Variants in CCDC178 observed in about 807,000 individuals in gnomAD.
CCDC178 encodes the protein coiled-coil domain containing 178.
CCDC178 carries 126 observed loss-of-function variants against 117.4 expected under a neutral mutation model. The ratio of observed to expected loss-of-function variants is 1.07; its 90% CI spans 0.93 to 1.24. The LOEUF is 1.24. Among genes scored for constraint, CCDC178 ranks in the 50% most tolerant of loss-of-function variants. The pLI is 0.00. For missense variants in CCDC178, 1,030 were observed against 986.9 expected, an observed-to-expected ratio of 1.04 and a Z score of -0.59; for synonymous variants, 283 against 313.4, an observed-to-expected ratio of 0.90 and a Z score of 1.02.
chr18:33,253,748 G>A (rs967692935), intron 14 of CCDC178, among the ~76,000 whole-genome samples: 3 of 151,770 alleles, frequency 2.0e-5, no homozygotes, highest in Admixed American at 6.6e-5. Flanking sequence ...AAGAGAAGAG[G>A]CTGTGTTGCT....
intron 2 of CCDC178, among the ~76,000 whole-genome samples, chr18:33,416,079 T>C (rs1307573535): frequency 1.3e-5 from 2 of 151,988 alleles, no homozygotes; most frequent in African/African-American, 2.4e-5. Flanking sequence ...GGCGGCTTAG[T>C]AAGAGGGAAT....
At chr18:33,109,818 A>G (rs1366222375) in intron 20 of CCDC178, among the ~76,000 whole-genome samples, 1 of 151,522 alleles carries the variant, frequency 6.6e-6, no homozygotes, top group African/African-American at 2.4e-5. Context: ...CATTATCATC[A>G]CTATATACTA....
chr18:33,097,492 G>C (rs1339090293), intron 20 of CCDC178, among the ~76,000 whole-genome samples: 2 of 152,076 alleles, frequency 1.3e-5, no homozygotes, highest in Non-Finnish European at 2.9e-5. Flanking sequence ...TGATGTTTTG[G>C]AGTATTTGTT....
intron 20 of CCDC178, among the ~76,000 whole-genome samples, chr18:33,157,207 T>A (rs1430280519): frequency 1.3e-5 from 2 of 152,206 alleles, no homozygotes; most frequent in Non-Finnish European, 2.9e-5. Context: ...TTTTAATATC[T>A]GTGATTGATC....
intron 22 of CCDC178, among the ~76,000 whole-genome samples, chr18:32,942,828 C>T (rs575209213): frequency 2.0e-5 from 3 of 152,132 alleles, no homozygotes; most frequent in Admixed American, 6.5e-5. Context: ...GCATACTGAT[C>T]ATACCTTCTG....
At chr18:32,983,153 C>T in intron 21 of CCDC178, 1 of 501,000 alleles carries the variant, frequency 2.0e-6, no homozygotes, top group Non-Finnish European at 3.4e-6. Context: ...AAAAAAAAAC[C>T]ACTTCTCAGT....
intron 12 of CCDC178, among the ~76,000 whole-genome samples, chr18:33,275,571 A>G (rs1432861022): frequency 6.9e-6 from 1 of 145,496 alleles, no homozygotes; most frequent in Non-Finnish European, 1.5e-5. Context: ...TAGGGATACT[A>G]AGAGGAAAGG....
intron 21 of CCDC178, among the ~76,000 whole-genome samples, chr18:33,024,190 T>C (rs1169674083): frequency 6.6e-6 from 1 of 152,234 alleles, no homozygotes. Context: ...AAACCAGTTA[T>C]ATACATTCTC....
intron 20 of CCDC178, 89 bp downstream of exon 20, chr18:33,211,807 A>G (rs1328653408): frequency 9.9e-7 from 1 of 1,013,090 alleles, no homozygotes; most frequent in Admixed American, 2.7e-5. Context: ...CACCCTTGCT[A>G]CTTCAGGATA....
At chr18:33,297,074 T>C (rs1405029106) in intron 11 of CCDC178, among the ~76,000 whole-genome samples, 2 of 151,884 alleles carry the variant, frequency 1.3e-5, no homozygotes, top group African/African-American at 2.4e-5. Flanking sequence ...AATTAAATGA[T>C]ATATTCCTGA....
chr18:33,190,008 C>G (rs2058839125), intron 20 of CCDC178, among the ~76,000 whole-genome samples: 3 of 151,232 alleles, frequency 2.0e-5, no homozygotes, highest in Admixed American at 1.3e-4. Flanking sequence ...CATATGCTGA[C>G]CATTGACACT....
chr18:33,349,072 G>T (rs1453870040), intron 7 of CCDC178, 97 bp from the exon 8 acceptor site: 1 of 688,370 alleles, frequency 1.5e-6, no homozygotes, highest in East Asian at 2.8e-5. Context: ...AATATTTGTG[G>T]TGAAACTTAC....
At chr18:33,228,294 A>G (rs557700953) in intron 15 of CCDC178, among the ~76,000 whole-genome samples, 5 of 152,098 alleles carry the variant, frequency 3.3e-5, no homozygotes, top group Non-Finnish European at 5.9e-5. Context: ...CTTAATATTC[A>G]CTCATCCATT....
chr18:33,164,356 C>T (rs2058502842), intron 20 of CCDC178, among the ~76,000 whole-genome samples: 3 of 151,872 alleles, frequency 2.0e-5, no homozygotes, highest in Admixed American at 2.0e-4. Context: ...TCAGGTGATC[C>T]GCCAACCTCG....
At chr18:33,249,571 T>C (rs903347472) in intron 14 of CCDC178, among the ~76,000 whole-genome samples, 5 of 152,064 alleles carry the variant, frequency 3.3e-5, no homozygotes, top group African/African-American at 1.2e-4. Context: ...GAAGATCAGA[T>C]GGTTGTAGAT....
chr18:33,266,422 A>AG (rs1174558091), intron 14 of CCDC178, among the ~76,000 whole-genome samples: 10 of 151,800 alleles, frequency 6.6e-5, no homozygotes, highest in Non-Finnish European at 1.0e-4. Context: ...CCCATGGTTA[A>AG]GGGGGGGCTA....
At chr18:33,067,618 G>A (rs1264094110) in intron 21 of CCDC178, among the ~76,000 whole-genome samples, 3 of 152,210 alleles carry the variant, frequency 2.0e-5, no homozygotes, top group African/African-American at 7.2e-5. Flanking sequence ...GCTGAAGCGG[G>A]TGGATGACCT....
chr18:32,969,898 C>A (rs947356623), intron 22 of CCDC178, among the ~76,000 whole-genome samples: 1 of 151,784 alleles, frequency 6.6e-6, no homozygotes, highest in Non-Finnish European at 1.5e-5. Flanking sequence ...ATAAATACCA[C>A]AAGTTTAAGT....
chr18:33,199,624 T>C (rs1437134002), intron 20 of CCDC178, among the ~76,000 whole-genome samples: 1 of 152,212 alleles, frequency 6.6e-6, no homozygotes, highest in Non-Finnish European at 1.5e-5. Flanking sequence ...TACTTCGTTT[T>C]TTAATTACAA....
Sources: gnomAD v4.1 joint callset for allele counts (sites outside exome capture counted in the v4.1 genomes callset) on GRCh38, gnomAD v4.1.1 for gene constraint, MANE v1.5 for transcripts, NCBI Gene and HGNC (gene_info 2026-07-23, HGNC 2026-07-21) for gene names.